Variants in ZNF846 observed in about 807,000 individuals in gnomAD.
ZNF846 encodes the protein zinc finger protein 420 pseudogene.
ZNF846 carries 15 observed loss-of-function variants against 16.0 expected under a neutral mutation model. The observed-to-expected ratio is 0.94, with a 90% CI of 0.63 to 1.45. The LOEUF (loss-of-function observed/expected upper bound fraction) is 1.45, where lower values mean the gene tolerates loss of function less well. ZNF846 is among the 40% of genes most tolerant of loss of function. ZNF846 has a pLI of 0.00. For synonymous variants in ZNF846, 229 were observed against 212.0 expected (o/e 1.08, Z -0.70); for missense variants, 714 against 622.3 (o/e 1.15, Z -1.57).
chr19:9,763,093 A>G (rs972134872), intron 3 of ZNF846, among the ~76,000 whole-genome samples, 189 bp downstream of exon 3: 2 of 151,918 alleles, frequency 1.3e-5, no homozygotes, highest in African/African-American at 2.4e-5. Flanking sequence ...TGCAGTAAGC[A>G]GAGACCATGC....
chr19:9,780,705 T>C (rs998039511), intron 1 of ZNF846, among the ~76,000 whole-genome samples: 2 of 152,062 alleles, frequency 1.3e-5, no homozygotes, highest in African/African-American at 4.8e-5. Flanking sequence ...TGCCTCAGCC[T>C]CCCAAAATGC....
At chr19:9,782,482 C>T (rs951003372) in intron 1 of ZNF846, among the ~76,000 whole-genome samples, 4 of 152,208 alleles carry the variant, frequency 2.6e-5, no homozygotes, top group South Asian at 2.1e-4. Flanking sequence ...AGGCTTGTCT[C>T]CAACTCCTGG....
chr19:9,783,106 A>T (rs1314279177), intron 1 of ZNF846, among the ~76,000 whole-genome samples: 1 of 151,496 alleles, frequency 6.6e-6, no homozygotes, highest in Non-Finnish European at 1.5e-5. Flanking sequence ...ATTTTTTTGT[A>T]AAGATGGGTT....
chr19:9,751,050 TCTAA>T (rs2045079896), downstream of ZNF846, among the ~76,000 whole-genome samples: 1 of 152,170 alleles, frequency 6.6e-6, no homozygotes, highest in East Asian at 1.9e-4. Flanking sequence ...CTGGCCACTC[TCTAA>T]CTGGGTATCC....
chr19:9,749,458 TC>T (rs1416653089), downstream of ZNF846, among the ~76,000 whole-genome samples: 2 of 152,106 alleles, frequency 1.3e-5, no homozygotes, highest in East Asian at 3.8e-4. Flanking sequence ...TGGTTTTACT[TC>T]AAATAGCCAC....
At chr19:9,761,968 T>C in intron 4 of ZNF846, 114 bp downstream of exon 4, 1 of 781,518 alleles carries the variant, frequency 1.3e-6, no homozygotes, top group Non-Finnish European at 2.1e-6. Context: ...GCCTCAGCCT[T>C]CTCAGGAAGA....
At chr19:9,765,822 C>T (rs907928616) in intron 1 of ZNF846, among the ~76,000 whole-genome samples, 2 of 146,310 alleles carry the variant, frequency 1.4e-5, no homozygotes, top group Non-Finnish European at 3.0e-5. Context: ...TAATCCTAAC[C>T]CTTTGGGAGG....
chr19:9,750,635 C>G (rs982900939), downstream of ZNF846, among the ~76,000 whole-genome samples: 1 of 152,198 alleles, frequency 6.6e-6, no homozygotes, highest in Non-Finnish European at 1.5e-5. Context: ...GCCTGTCCCC[C>G]TCATGACACC....
chr19:9,759,138 C>T (rs972970539), intron 5 of ZNF846, among the ~76,000 whole-genome samples: 3 of 151,850 alleles, frequency 2.0e-5, no homozygotes, highest in African/African-American at 2.4e-5. Context: ...GCTAGGATTA[C>T]AGGCATGTGC....
chr19:9,774,134 C>G (rs1335094231), intron 1 of ZNF846, among the ~76,000 whole-genome samples: 4 of 152,140 alleles, frequency 2.6e-5, no homozygotes, highest in Non-Finnish European at 5.9e-5. Context: ...GATGACTTAA[C>G]ATCATATAGA....
intron 5 of ZNF846, 129 bp from the exon 6 acceptor site, chr19:9,758,893 A>G (rs2045178159): frequency 1.3e-6 from 1 of 770,784 alleles, no homozygotes; most frequent in East Asian, 2.9e-5. Flanking sequence ...ATATGTACAG[A>G]GTTCCAGCCC....
chr19:9,759,478 C>T (rs971568254), intron 5 of ZNF846, among the ~76,000 whole-genome samples: 1 of 151,624 alleles, frequency 6.6e-6, no homozygotes, highest in African/African-American at 2.4e-5. Context: ...TGGCTCATGC[C>T]TGTAGTCTCA....
chr19:9,769,995 AAAG>A (rs934733357), upstream of ZNF846, among the ~76,000 whole-genome samples: 6 of 152,022 alleles, frequency 3.9e-5, no homozygotes, highest in Non-Finnish European at 8.8e-5. Context: ...AAAAAAAAAA[AAAG>A]ATTAACCTGT....
At chr19:9,772,648 T>C (rs944924985), upstream of ZNF846, among the ~76,000 whole-genome samples, 28 of 151,118 alleles carry the variant, frequency 1.9e-4, no homozygotes, top group Admixed American at 1.8e-3. Context: ...TGCAGAACCA[T>C]ATCAATTATG....
At chr19:9,771,016 T>C (rs2045385485), upstream of ZNF846, among the ~76,000 whole-genome samples, 1 of 152,176 alleles carries the variant, frequency 6.6e-6, no homozygotes, top group African/African-American at 2.4e-5. Context: ...TTGGGTTACA[T>C]GGATAAGTTC....
At chr19:9,781,544 C>T (rs1003984979) in intron 1 of ZNF846, among the ~76,000 whole-genome samples, 30 of 152,024 alleles carry the variant, frequency 2.0e-4, no homozygotes, top group Non-Finnish European at 5.9e-5. Context: ...TTCATGCTGT[C>T]TGATGAACTC....
intron 1 of ZNF846, chr19:9,774,454 C>CA: frequency 1.3e-6 from 1 of 750,288 alleles, no homozygotes; most frequent in South Asian, 1.5e-5. Flanking sequence ...GGCAACAGAG[C>CA]AAGACTCCGT....
At chr19:9,758,764 C>T (rs201960831) in exon 6 of ZNF846, 4 of 1,542,952 alleles carry the variant, frequency 2.6e-6, no homozygotes, top group Admixed American at 2.2e-5. Context: ...TTGCTTCTCT[C>T]CTGTTGAGAT....
chr19:9,771,797 C>G (rs190176433), upstream of ZNF846, among the ~76,000 whole-genome samples: 7 of 151,214 alleles, frequency 4.6e-5, no homozygotes, highest in East Asian at 7.8e-4. Context: ...GAGATGGAGT[C>G]TCCACTCTGC....
Sources: allele counts gnomAD v4.1 joint callset (sites outside exome capture counted in the v4.1 genomes callset), GRCh38; gene constraint gnomAD v4.1.1; transcripts MANE v1.5; gene names NCBI Gene and HGNC (gene_info 2026-07-23, HGNC 2026-07-21).